Variants in OSBPL2 observed in about 807,000 individuals in gnomAD.
The protein encoded by OSBPL2 is oxysterol-binding protein-related protein 2.
A neutral mutation model predicts 58.4 loss-of-function variants in OSBPL2; 18 were observed. The ratio of observed to expected loss-of-function variants is 0.31; its 90% CI spans 0.21 to 0.46. OSBPL2 has a LOEUF of 0.46. Among genes scored for constraint, OSBPL2 ranks in the 20% least tolerant of loss-of-function variants. The pLI, the probability that OSBPL2 is intolerant of heterozygous loss-of-function variation, is 1.00. For missense variants in OSBPL2, 461 were observed against 616.5 expected (o/e 0.75, Z 2.67); for synonymous variants, 221 against 234.1 (o/e 0.94, Z 0.51).
At chr20:62,287,491 C>CT (rs1983210034) in intron 11 of OSBPL2, among the ~76,000 whole-genome samples, 1 of 152,210 alleles carries the variant, frequency 6.6e-6, no homozygotes, top group South Asian at 2.1e-4. Flanking sequence ...GAGTCTCGCT[C>CT]TGTCACCCAG....
At chr20:62,284,258 C>G (rs748798792) in intron 10 of OSBPL2, 89 bp downstream of exon 10, 13 of 1,525,002 alleles carry the variant, frequency 8.5e-6, no homozygotes, top group Non-Finnish European at 8.1e-6. Context: ...CTGTTGGGGT[C>G]CCAGGGAACC....
At chr20:62,253,812 A>ATTT (rs1392926288) in intron 1 of OSBPL2, among the ~76,000 whole-genome samples, 1 of 108,010 alleles carries the variant, frequency 9.3e-6, no homozygotes, top group Non-Finnish European at 2.0e-5. Flanking sequence ...TATTTTTGAG[A>ATTT]TGGGGTTTCA....
intron 1 of OSBPL2, among the ~76,000 whole-genome samples, chr20:62,254,636 G>C (rs1387633434): frequency 6.6e-6 from 1 of 152,244 alleles, no homozygotes. Flanking sequence ...AGCCGCTTGA[G>C]GGGTCACCCA....
intron 1 of OSBPL2, among the ~76,000 whole-genome samples, chr20:62,240,930 G>T (rs1601139696): frequency 6.6e-6 from 1 of 152,218 alleles, no homozygotes; most frequent in Non-Finnish European, 1.5e-5. Context: ...GTGCTGACAG[G>T]CGTACAGTCC....
chr20:62,272,378 T>G, intron 5 of OSBPL2, 119 bp downstream of exon 5: 1 of 1,103,288 alleles, frequency 9.1e-7, no homozygotes, highest in Non-Finnish European at 1.3e-6. Flanking sequence ...CCCCCAGTGT[T>G]CAGTGCCATC....
chr20:62,269,554 C>G lies in OSBPL2; in HGVS notation c.259-2571C>G, dbSNP rs146000454. 6.5e-3 allele frequency among the ~76,000 whole-genome samples: 994 copies of G among 152,240 alleles called. 16 individuals carry two copies. Among genetic ancestry groups the G allele is most frequent in the African/African-American group, 0.022 (914 of 41,536 alleles). On this transcript the variant is annotated intron_variant, in intron 4 of 13. Transcript: ENST00000313733. The surrounding 1 kb of genome is among the most constrained non-coding windows in gnomAD (Gnocchi z 4.2). ...TCTCCTGAGCAAGGCAGCGTCTCCC[C>G]CATGCTCAGGGCTGCCACCGGCCGC...
chr20:62,260,783 T>C (rs1981246779), intron 3 of OSBPL2, among the ~76,000 whole-genome samples: 2 of 151,188 alleles, frequency 1.3e-5, no homozygotes, highest in Admixed American at 1.3e-4. Context: ...AGCCCAGGAG[T>C]TGGAGACCAG....
At chr20:62,266,452 C>T (rs1211127567) in intron 4 of OSBPL2, among the ~76,000 whole-genome samples, 1 of 152,242 alleles carries the variant, frequency 6.6e-6, no homozygotes, top group Non-Finnish European at 1.5e-5. Flanking sequence ...GTGGTGAGCT[C>T]ATGTCCCCAT....
intron 12 of OSBPL2, among the ~76,000 whole-genome samples, chr20:62,290,503 G>A (rs999054191): frequency 7.6e-6 from 1 of 130,782 alleles, no homozygotes; most frequent in Non-Finnish European, 1.6e-5. Flanking sequence ...TGCAAGCTCC[G>A]CCTTCTGGGT....
At chr20:62,277,115 G>A (rs1281278124) in intron 6 of OSBPL2, among the ~76,000 whole-genome samples, 4 of 152,168 alleles carry the variant, frequency 2.6e-5, no homozygotes, top group African/African-American at 2.4e-5. Context: ...GCCGGGCGTG[G>A]TGGCGGGTGC....
intron 5 of OSBPL2, among the ~76,000 whole-genome samples, chr20:62,272,590 G>A (rs1171245489): frequency 6.6e-6 from 1 of 152,224 alleles, no homozygotes; most frequent in East Asian, 1.9e-4. Flanking sequence ...CGCACCCCAT[G>A]TGTGTGCATG....
chr20:62,284,016 C>T (rs373564413), intron 9 of OSBPL2, 30 bp from the exon 10 acceptor site: 1 of 1,601,758 alleles, frequency 6.2e-7, no homozygotes, highest in Non-Finnish European at 8.5e-7. Flanking sequence ...ATGACTAAGA[C>T]TTGTCTTTAA....
intron 6 of OSBPL2, chr20:62,278,657 CCAA>C (rs1358327355): frequency 7.0e-6 from 1 of 142,882 alleles, no homozygotes; most frequent in Non-Finnish European, 1.3e-5. Context: ...GTGTGTGTTG[CCAA>C]CGTTAGGCCA....
At chr20:62,257,795 ACCT>A (rs1023212554) in intron 2 of OSBPL2, among the ~76,000 whole-genome samples, 2 of 150,038 alleles carry the variant, frequency 1.3e-5, no homozygotes, top group Non-Finnish European at 3.0e-5. Context: ...GCTCACTGCA[ACCT>A]CCTCCTCACG....
intron 1 of OSBPL2, among the ~76,000 whole-genome samples, chr20:62,243,752 G>A (rs2145910928): frequency 6.6e-6 from 1 of 152,080 alleles, no homozygotes; most frequent in Non-Finnish European, 1.5e-5. Context: ...TTTAGATCAA[G>A]GACCCCTTTG....
At chr20:62,279,554 C>T (rs943145284) in intron 7 of OSBPL2, 1 of 572,072 alleles carries the variant, frequency 1.7e-6, no homozygotes. Context: ...AATTCGCCCC[C>T]CTTTCGGTCA....
chr20:62,263,773 A>T, intron 4 of OSBPL2, 82 bp downstream of exon 4: 1 of 1,314,766 alleles, frequency 7.6e-7, no homozygotes, highest in African/African-American at 1.4e-5. Context: ...GGTTTAAGAA[A>T]ATGCGCTCTT....
intron 3 of OSBPL2, among the ~76,000 whole-genome samples, chr20:62,260,748 G>T (rs1161263866): frequency 2.6e-5 from 4 of 151,650 alleles, no homozygotes; most frequent in Admixed American, 6.6e-5. Flanking sequence ...AGCACTTTGG[G>T]AGGCTGAGAC....
At chr20:62,287,075 C>T (rs554780663) in intron 11 of OSBPL2, among the ~76,000 whole-genome samples, 19 of 152,354 alleles carry the variant, frequency 1.2e-4, no homozygotes, top group Non-Finnish European at 2.6e-4. Flanking sequence ...CGGCCAAGTG[C>T]GTCTTATCAA....
Sources: allele counts gnomAD v4.1 joint callset (sites outside exome capture counted in the v4.1 genomes callset), GRCh38; gene constraint gnomAD v4.1.1; non-coding constraint Gnocchi (gnomAD v3.1); transcripts MANE v1.5; gene names NCBI Gene and HGNC (gene_info 2026-07-23, HGNC 2026-07-21).